The following CSNK1G2 variants were observed in gnomAD, a reference collection of about 807,000 sequenced individuals.
CSNK1G2 encodes the protein casein kinase 1 gamma 2.
In CSNK1G2, 11 loss-of-function variants were observed where a neutral mutation model predicts 48.0. The ratio of observed to expected loss-of-function variants is 0.23; its 90% CI spans 0.14 to 0.38. The LOEUF is 0.38. CSNK1G2 is among the 10% of genes least tolerant of loss of function. CSNK1G2 has a pLI of 1.00. For synonymous variants in CSNK1G2, 337 were observed against 254.1 expected (o/e 1.33, Z -3.10); for missense variants, 446 against 595.5 (o/e 0.75, Z 2.61).
At chr19:1,944,947 C>T (rs2014500392) in intron 1 of CSNK1G2, among the ~76,000 whole-genome samples, 1 of 152,222 alleles carries the variant, frequency 6.6e-6, no homozygotes, top group African/African-American at 2.4e-5. Context: ...CCTTTTTCTG[C>T]CCCGCTCACC....
At chr19:1,960,985 G>A (rs1377435473) in intron 1 of CSNK1G2, among the ~76,000 whole-genome samples, 1 of 152,238 alleles carries the variant, frequency 6.6e-6, no homozygotes, top group Non-Finnish European at 1.5e-5. Context: ...CGTGCTGGTG[G>A]CTCATCCAGG....
At chr19:1,960,950 G>A (rs1024291035) in intron 1 of CSNK1G2, among the ~76,000 whole-genome samples, 1 of 152,252 alleles carries the variant, frequency 6.6e-6, no homozygotes, top group African/African-American at 2.4e-5. Context: ...TGCTGAGAGG[G>A]TTTCCAGAAG....
chr19:1,980,038 C>T, intron 11 of CSNK1G2, 21 bp downstream of exon 11: 1 of 1,581,854 alleles, frequency 6.3e-7, no homozygotes, highest in African/African-American at 1.3e-5. Flanking sequence ...GGGGCGGTGC[C>T]TTCGGGGAGG....
intron 1 of CSNK1G2, chr19:1,952,683 ACT>A: frequency 4.1e-6 from 1 of 243,296 alleles, no homozygotes. Context: ...TACAGGCCTG[ACT>A]CTGAGGGTCA....
chr19:1,962,641 C>T (rs529601730), intron 1 of CSNK1G2, among the ~76,000 whole-genome samples: 15 of 152,230 alleles, frequency 9.9e-5, no homozygotes, highest in Middle Eastern at 3.4e-3. Context: ...CCAGCCTGGG[C>T]GACAGAGCCA....
At chr19:1,965,196 C>CCATCCTGGCTAA (rs551727585) in intron 1 of CSNK1G2, among the ~76,000 whole-genome samples, 13 of 149,530 alleles carry the variant, frequency 8.7e-5, no homozygotes, top group East Asian at 2.1e-4. Context: ...GAGATCGAGA[C>CCATCCTGGCTAA]CACAGTGAAA....
intron 1 of CSNK1G2, among the ~76,000 whole-genome samples, chr19:1,966,471 G>A (rs1253459271): frequency 6.6e-6 from 1 of 152,210 alleles, no homozygotes; most frequent in Non-Finnish European, 1.5e-5. Context: ...TCTGAAGGGT[G>A]AGCAGGGGAG....
At chr19:1,975,086 T>C (rs1411101699) in intron 2 of CSNK1G2, 1 of 985,304 alleles carries the variant, frequency 1.0e-6, no homozygotes, top group East Asian at 1.1e-4. Context: ...GCGGTGGGGT[T>C]CAGGCGAAGG....
Position 1,980,302 on chromosome 19 carries a change from A to G in CSNK1G2, c.*99A>G. The G allele has an allele frequency of 1.4e-6, 2 of 1,460,654 alleles. No individual in the cohort carries two copies. Among genetic ancestry groups the G allele is most frequent in the Non-Finnish European group, 1.9e-6 (2 of 1,051,634 alleles). The allele number at this position is 1,460,654 out of a possible 1,614,324, so 90.5% of individuals were successfully genotyped here. A position where few individuals can be genotyped will look rare whatever the true frequency, so the allele number is the denominator to read the frequency against. The stretch of plus-strand genomic sequence containing the variant: ...GGCCCACCCACAGCGGCCCAGGGCC[A>G]GACCCTGGCTGGAAGCCAGAACGCA... On this transcript the variant is annotated 3_prime_UTR_variant, in exon 12 of 12. Coordinates refer to ENST00000255641, the MANE Select transcript of CSNK1G2 (RefSeq NM_001319.7).
At position 1,978,386 on chromosome 19, in the gene CSNK1G2, C is replaced by T; in HGVS notation, c.228+41C>T. The T allele has an allele frequency of 6.2e-7, 1 of 1,612,496 alleles. No homozygotes were observed. Among genetic ancestry groups the T allele is most frequent in the Non-Finnish European group, 8.5e-7 (1 of 1,179,430 alleles). ...CACCCCACCCCCGCTGACGTGCCCC[C>T]CAGGGATTTCAGGGCAGCGACCCGG... On this transcript the variant is annotated intron_variant, in intron 3 of 11. Coordinates refer to ENST00000255641, the MANE Select transcript of CSNK1G2 (RefSeq NM_001319.7). The surrounding 1 kb of genome is among the most constrained non-coding windows in gnomAD (Gnocchi z 7.3).
At chr19:1,949,634 G>T (rs569966417) in intron 1 of CSNK1G2, among the ~76,000 whole-genome samples, 3 of 152,372 alleles carry the variant, frequency 2.0e-5, no homozygotes, top group Non-Finnish European at 2.9e-5. Context: ...TGGACTTCTA[G>T]CGGTGGAACC....
intron 1 of CSNK1G2, among the ~76,000 whole-genome samples, chr19:1,956,242 C>T (rs1009672237): frequency 6.6e-6 from 1 of 152,146 alleles, no homozygotes; most frequent in Non-Finnish European, 1.5e-5. Context: ...GTGGGTAGAC[C>T]CAGCAGGGCA....
chr19:1,972,867 A>G (rs1027717122), intron 2 of CSNK1G2, among the ~76,000 whole-genome samples: 1 of 150,072 alleles, frequency 6.7e-6, no homozygotes, highest in African/African-American at 2.5e-5. Context: ...CAGGTGATCC[A>G]CCTGCCTCGG....
intron 2 of CSNK1G2, chr19:1,976,058 C>T (rs1466340910): frequency 7.8e-7 from 1 of 1,289,006 alleles, no homozygotes; most frequent in South Asian, 1.2e-5. Context: ...CTTTGAAATC[C>T]CTCTAAAAAT....
At chr19:1,953,010 G>C (rs539784942) in intron 1 of CSNK1G2, 2 of 412,176 alleles carry the variant, frequency 4.9e-6, no homozygotes, top group South Asian at 3.7e-5. Context: ...GCGAGACTCC[G>C]TCTGAAAAAA....
At chr19:1,954,220 G>A (rs1046837019) in intron 1 of CSNK1G2, 22 of 349,338 alleles carry the variant, frequency 6.3e-5, no homozygotes, top group Non-Finnish European at 1.3e-4. Context: ...GCGCCCTTCC[G>A]TCTGCCCTGC....
intron 2 of CSNK1G2, 58 bp downstream of exon 2, chr19:1,970,017 G>A: frequency 7.9e-7 from 1 of 1,271,152 alleles, no homozygotes; most frequent in South Asian, 3.4e-5. Context: ...GCCGCCCCGA[G>A]TCACCGGAGC....
chr19:1,964,358 G>A (rs1371450475), intron 1 of CSNK1G2, among the ~76,000 whole-genome samples: 2 of 151,990 alleles, frequency 1.3e-5, no homozygotes, highest in Non-Finnish European at 2.9e-5. Flanking sequence ...AGACGTGTCA[G>A]CCAGCATTCA....
At chr19:1,967,108 A>G (rs962533025) in intron 1 of CSNK1G2, among the ~76,000 whole-genome samples, 11 of 152,148 alleles carry the variant, frequency 7.2e-5, no homozygotes, top group African/African-American at 2.2e-4. Context: ...TGTGAACGTA[A>G]CTTGTGTGTG....
Sources: allele counts gnomAD v4.1 joint callset (sites outside exome capture counted in the v4.1 genomes callset), GRCh38; gene constraint gnomAD v4.1.1; non-coding constraint Gnocchi (gnomAD v3.1); transcripts MANE v1.5; gene names NCBI Gene and HGNC (gene_info 2026-07-23, HGNC 2026-07-21).